Variants in GALNT9 observed in about 807,000 individuals in gnomAD.
GALNT9 encodes polypeptide N-acetylgalactosaminyltransferase 9.
In GALNT9, 47 loss-of-function variants were observed where a neutral mutation model predicts 63.1. The ratio of observed to expected loss-of-function variants is 0.75; its 90% CI spans 0.59 to 0.95. GALNT9 has a LOEUF of 0.95. Ranked by LOEUF, GALNT9 falls within the 40% of genes least tolerant of loss-of-function variation. The pLI, the probability that GALNT9 is intolerant of heterozygous loss-of-function variation, is 0.00. For synonymous variants in GALNT9, 396 were observed against 365.7 expected, an observed-to-expected ratio of 1.08 and a Z score of -0.94; for missense variants, 829 against 874.8, an observed-to-expected ratio of 0.95 and a Z score of 0.66.
chr12:132,199,352 C>T (rs1187172289), intron 8 of GALNT9, 83 bp from the exon 9 acceptor site: 1 of 1,023,132 alleles, frequency 9.8e-7, no homozygotes, highest in African/African-American at 1.6e-5. Flanking sequence ...GCTCTGCAGC[C>T]AGCACCTAAG....
At chr12:132,225,433 C>CCA (rs1227356053) in intron 6 of GALNT9, among the ~76,000 whole-genome samples, 2 of 147,358 alleles carry the variant, frequency 1.4e-5, no homozygotes, top group African/African-American at 2.5e-5. Context: ...TATACACCCC[C>CCA]CACACACACA....
Position 132,201,105 on chromosome 12 carries a change from C to A in GALNT9, c.1401+19G>T. 1 of 1,609,768 alleles carries A rather than the reference C, an allele frequency of 6.2e-7. No homozygotes were observed. Among genetic ancestry groups the A allele is most frequent in the South Asian group, 1.1e-5 (1 of 90,354 alleles). Reference sequence around the variant, plus strand: ...AGAAAGCCTGTCGGGCCGAACGGGGCCCTCGGGGGAGGTGCTACCTCTCCG... The same window carrying A: ...AGAAAGCCTGTCGGGCCGAACGGGGACCTCGGGGGAGGTGCTACCTCTCCG... On this transcript the variant is annotated intron_variant, in intron 8 of 10. Coordinates refer to ENST00000328957, the MANE Select transcript of GALNT9 (RefSeq NM_001122636.2).
At chr12:132,206,416 G>T (rs1454518381) in intron 6 of GALNT9, among the ~76,000 whole-genome samples, 2 of 150,538 alleles carry the variant, frequency 1.3e-5, no homozygotes, top group Non-Finnish European at 3.0e-5. Flanking sequence ...GGGAGGCCGA[G>T]GTGGGTGGAT....
At chr12:132,208,163 A>T (rs1322771419) in intron 6 of GALNT9, among the ~76,000 whole-genome samples, 1 of 152,200 alleles carries the variant, frequency 6.6e-6, no homozygotes, top group Non-Finnish European at 1.5e-5. Context: ...TCAGATGAAT[A>T]TTGGCAATAA....
At position 132,204,038 on chromosome 12, in the gene GALNT9, C is replaced by T. The variant is rs561600420; in HGVS notation, c.1078-348G>A. ...TGCTTGTTCTGTGCAGGGAACCCCC[C>T]GCCCCACTGCACCAGCCACCTCCCC... On this transcript the variant is annotated intron_variant, in intron 6 of 10. Transcript: ENST00000328957. 2.3e-3 allele frequency among the ~76,000 whole-genome samples: 354 copies of T among 152,144 alleles called. 1 individual carries two copies. The highest frequency in any genetic ancestry group is 3.9e-3 in the Non-Finnish European group (264 of 67,990).
Position 132,222,286 on chromosome 12 carries a change from G to A in GALNT9, c.1078-18596C>T, listed in dbSNP as rs190027322. On this transcript the variant is annotated intron_variant, in intron 6 of 10. Coordinates refer to ENST00000328957, the MANE Select transcript of GALNT9 (RefSeq NM_001122636.2). The stretch of plus-strand genomic sequence containing the variant: ...CAGCAAAGGCACACACCATTAAAAC[G>A]CACATACCAGGCCAGGCGCAGTGGC... Among the ~76,000 whole-genome samples the A allele has an allele frequency of 3.2e-4, 48 of 152,210 alleles. 1 individual carries two copies. Among genetic ancestry groups the A allele is most frequent in the Middle Eastern group, 6.8e-3 (2 of 294 alleles).
At chr12:132,268,943 G>A (rs1555240478) in intron 2 of GALNT9, among the ~76,000 whole-genome samples, 2 of 152,258 alleles carry the variant, frequency 1.3e-5, no homozygotes, top group Non-Finnish European at 2.9e-5. Context: ...ACGGGAGGTG[G>A]CGCAGCTGCT....
intron 6 of GALNT9, among the ~76,000 whole-genome samples, chr12:132,211,386 A>G (rs1262469584): frequency 1.3e-5 from 2 of 152,222 alleles, no homozygotes; most frequent in Non-Finnish European, 2.9e-5. Context: ...GAGCCTAGTT[A>G]TAATGATTTA....
chr12:132,272,584 G>A (rs536406327), intron 2 of GALNT9: 1 of 152,316 alleles, frequency 6.6e-6, no homozygotes, highest in African/African-American at 2.4e-5. Context: ...AACCTTTGTA[G>A]ACAAACTGCT....
At position 132,201,223 on chromosome 12, in the gene GALNT9, C is replaced by T. The variant is rs1876070999; in HGVS notation, c.1302G>A (p.Leu434=). ...GVDFGDVSER[L]ALRQRLKCRS... Reference sequence around the variant, plus strand: ...GACACTTCAGCCTCTGACGCAGGGCCAGCCTCTCAGACACGTCCCCGAAGT... The same window carrying T: ...GACACTTCAGCCTCTGACGCAGGGCTAGCCTCTCAGACACGTCCCCGAAGT... Residue 434 remains leucine (L), a synonymous_variant, in exon 8 of 11, where the codon CTG becomes CTA. Transcript: ENST00000328957. The T allele has an allele frequency of 6.2e-7, 1 of 1,613,418 alleles. No homozygotes were observed. Among genetic ancestry groups the T allele is most frequent in the Admixed American group, 1.7e-5 (1 of 59,972 alleles).
intron 1 of GALNT9, among the ~76,000 whole-genome samples, chr12:132,322,915 A>G (rs935539389): frequency 9.9e-5 from 15 of 152,266 alleles, no homozygotes; most frequent in East Asian, 1.9e-4. Context: ...CGGGGCGGCC[A>G]TCGCTCTCCT....
Position 132,245,033 on chromosome 12 carries a change from T to A in GALNT9, c.1077+2877A>T, listed in dbSNP as rs1555237891. Reference sequence around the variant, plus strand: ...CAGGGAGGGCAGGGAGGTCAGGGAGTGGAGTAAACGCTGGGCGCGGCCACA... The same window carrying A: ...CAGGGAGGGCAGGGAGGTCAGGGAGAGGAGTAAACGCTGGGCGCGGCCACA... On this transcript the variant is annotated intron_variant, in intron 6 of 10. Transcript: ENST00000328957. The surrounding 1 kb of genome is among the most constrained non-coding windows in gnomAD (Gnocchi z 6.3). Among the ~76,000 whole-genome samples the A allele has an allele frequency of 6.8e-6, 1 of 147,906 alleles. No individual in the cohort carries two copies. The highest frequency in any genetic ancestry group is 1.5e-5 in the Non-Finnish European group (1 of 66,832).
At chr12:132,249,581 T>C (rs1389798140) in intron 5 of GALNT9, among the ~76,000 whole-genome samples, 3 of 152,262 alleles carry the variant, frequency 2.0e-5, no homozygotes, top group Admixed American at 6.5e-5. Context: ...GGGTAAGTTA[T>C]AGTTTATCAT....
chr12:132,308,452 G>C (rs1881693149), intron 1 of GALNT9, among the ~76,000 whole-genome samples: 1 of 152,198 alleles, frequency 6.6e-6, no homozygotes, highest in South Asian at 2.1e-4. Flanking sequence ...CGCCCATTCT[G>C]TTTGCTGGTC....
At chr12:132,309,356 G>A (rs921035785) in intron 1 of GALNT9, among the ~76,000 whole-genome samples, 25 of 152,306 alleles carry the variant, frequency 1.6e-4, no homozygotes, top group Admixed American at 1.6e-3. Flanking sequence ...CCTGGAGGTC[G>A]AGGGGTCGTG....
chr12:132,287,070 C>G lies in GALNT9; in HGVS notation c.239-640G>C, dbSNP rs1055504390. On this transcript the variant is annotated intron_variant, in intron 1 of 10. Coordinates refer to ENST00000328957, the MANE Select transcript of GALNT9 (RefSeq NM_001122636.2). ...GACACTGAGTGAGCGCCCCCCCCCC[C>G]CCCCGTGAGCCACAGCCCTCAGTGA... Among the ~76,000 whole-genome samples, 16 of 112,026 alleles carry G rather than the reference C, an allele frequency of 1.4e-4. 1 individual carries two copies. Among genetic ancestry groups the G allele is most frequent in the Middle Eastern group, 7.5e-3 (2 of 266 alleles). The allele number at this position is 112,026 out of a possible 152,430, so 73.5% of individuals were successfully genotyped here.
chr12:132,297,453 C>A (rs1365917131), intron 1 of GALNT9, among the ~76,000 whole-genome samples: 2 of 151,842 alleles, frequency 1.3e-5, no homozygotes, highest in Non-Finnish European at 2.9e-5. Flanking sequence ...CCCGAGATAA[C>A]CAACTCACTC....
At chr12:132,321,145 C>T (rs552080977) in intron 1 of GALNT9, among the ~76,000 whole-genome samples, 1 of 152,344 alleles carries the variant, frequency 6.6e-6, no homozygotes, top group Admixed American at 6.5e-5. Flanking sequence ...ACTGCCCCAC[C>T]TGTGTCAGCC....
chr12:132,213,005 C>T (rs541783995), intron 6 of GALNT9, among the ~76,000 whole-genome samples: 3 of 146,216 alleles, frequency 2.1e-5, no homozygotes, highest in Non-Finnish European at 4.5e-5. Flanking sequence ...GACCGTGACA[C>T]GGAAACCCCA....
Sources: allele counts gnomAD v4.1 joint callset (sites outside exome capture counted in the v4.1 genomes callset), GRCh38; gene constraint gnomAD v4.1.1; non-coding constraint Gnocchi (gnomAD v3.1); transcripts MANE v1.5; gene names NCBI Gene and HGNC (gene_info 2026-07-23, HGNC 2026-07-21).